FANCL: variants seen among roughly 807,000 people sequenced by gnomAD.
FANCL encodes the protein E3 ubiquitin-protein ligase FANCL.
FANCL carries 69 observed loss-of-function variants against 59.4 expected under a neutral mutation model. The observed-to-expected ratio is 1.16, with a 90% CI of 0.96 to 1.42. The LOEUF is 1.42. FANCL is among the 40% of genes most tolerant of loss of function. The pLI, the probability that FANCL is intolerant of heterozygous loss-of-function variation, is 0.00. For missense variants in FANCL, 519 were observed against 447.2 expected (o/e 1.16, Z -1.45); for synonymous variants, 180 against 147.1 (o/e 1.22, Z -1.62).
At chr2:58,180,742 C>G (rs1451059161) in intron 7 of FANCL, among the ~76,000 whole-genome samples, 1 of 151,650 alleles carries the variant, frequency 6.6e-6, no homozygotes, top group Admixed American at 6.6e-5. Context: ...AAATAGCCAC[C>G]TTCTCATTTT....
At chr2:58,188,705 G>A (rs1688641055) in intron 7 of FANCL, among the ~76,000 whole-genome samples, 1 of 150,936 alleles carries the variant, frequency 6.6e-6, no homozygotes, top group Non-Finnish European at 1.5e-5. Context: ...CTCCTGAAGT[G>A]TTGGGATTAC....
chr2:58,171,774 C>T (rs1458003222), intron 7 of FANCL, among the ~76,000 whole-genome samples: 1 of 152,218 alleles, frequency 6.6e-6, no homozygotes, highest in Non-Finnish European at 1.5e-5. Context: ...GGGTGCAGTG[C>T]ACCATGCGCG....
At chr2:58,160,271 T>G in intron 12 of FANCL, 92 bp from the exon 13 acceptor site, 1 of 1,311,266 alleles carries the variant, frequency 7.6e-7, no homozygotes, top group South Asian at 1.2e-5. Flanking sequence ...AAGTGCATTA[T>G]GTTTTTATTC....
chr2:58,222,175 C>G, intron 4 of FANCL, 133 bp from the exon 5 acceptor site: 1 of 641,874 alleles, frequency 1.6e-6, no homozygotes, highest in Non-Finnish European at 2.8e-6. Context: ...GGAAATCTGG[C>G]TGACTCATTC....
rs956485572 is a variant in FANCL, at chr2:58,178,006, C to T, written c.541-12132G>A. On this transcript the variant is annotated intron_variant, in intron 7 of 13. Transcript: ENST00000233741. ...AAAATCTAGAAGAAGTGGATAAATTCCTGGACACATACACCCTCCCAAGAC... is the reference window on the plus strand; with the variant it reads ...AAAATCTAGAAGAAGTGGATAAATTTCTGGACACATACACCCTCCCAAGAC... Among the ~76,000 whole-genome samples, 4 of 152,006 alleles carry T rather than the reference C, an allele frequency of 2.6e-5. No individual in the cohort carries two copies. In the East Asian group the frequency reaches 7.7e-4, roughly 29 times the overall value.
Position 58,175,484 on chromosome 2 carries a change from G to A in FANCL, c.541-9610C>T, listed in dbSNP as rs531456576. Among the ~76,000 whole-genome samples the A allele has an allele frequency of 2.4e-3, 364 of 151,862 alleles. 3 individuals carry two copies. The highest frequency in any genetic ancestry group is 7.4e-3 in the African/African-American group (303 of 41,196). On this transcript the variant is annotated intron_variant, in intron 7 of 13. Transcript: ENST00000233741. ...GGGATGCAAGGCTGGTTCAATATAC[G>A]CAAATCAATAAATGTAATCCAGCAC...
At chr2:58,207,098 T>G (rs1573711508) in intron 5 of FANCL, among the ~76,000 whole-genome samples, 1 of 152,240 alleles carries the variant, frequency 6.6e-6, no homozygotes. Flanking sequence ...TATAACTACA[T>G]TTTGGCCAGT....
intron 4 of FANCL, among the ~76,000 whole-genome samples, chr2:58,224,708 G>A (rs907910430): frequency 6.6e-6 from 1 of 151,604 alleles, no homozygotes; most frequent in Non-Finnish European, 1.5e-5. Context: ...ACAACACATA[G>A]ACAGGAAAAG....
chr2:58,162,709 C>T (rs1471802984), intron 11 of FANCL, among the ~76,000 whole-genome samples, 157 bp downstream of exon 11: 2 of 151,770 alleles, frequency 1.3e-5, no homozygotes, highest in Non-Finnish European at 3.0e-5. Flanking sequence ...ACTTAACAAC[C>T]AATCAAAGGT....
At chr2:58,203,196 G>C (rs748851619) in intron 6 of FANCL, among the ~76,000 whole-genome samples, 48 of 151,564 alleles carry the variant, frequency 3.2e-4, no homozygotes, top group South Asian at 4.1e-4. Flanking sequence ...CATATTCTGT[G>C]TGTGAGAGAA....
intron 1 of FANCL, among the ~76,000 whole-genome samples, chr2:58,240,299 T>G (rs893544400): frequency 6.6e-6 from 1 of 152,224 alleles, no homozygotes; most frequent in African/African-American, 2.4e-5. Flanking sequence ...CATATGGTAA[T>G]TCCACATATA....
intron 5 of FANCL, among the ~76,000 whole-genome samples, chr2:58,207,044 A>G (rs998687019): frequency 6.6e-6 from 1 of 152,182 alleles, no homozygotes; most frequent in African/African-American, 2.4e-5. Context: ...CACTTCACCC[A>G]GCTAGTGACT....
At chr2:58,211,491 T>C (rs1298352848) in intron 5 of FANCL, among the ~76,000 whole-genome samples, 1 of 152,230 alleles carries the variant, frequency 6.6e-6, no homozygotes, top group Non-Finnish European at 1.5e-5. Context: ...TTCCCCATTA[T>C]CTTGGGGACT....
chr2:58,167,256 G>A (rs34683258), intron 7 of FANCL, among the ~76,000 whole-genome samples: 4,064 of 152,196 alleles, frequency 0.027, 175 homozygotes, highest in African/African-American at 0.093. Flanking sequence ...CCTAATACCC[G>A]AAAAATAACC....
intron 7 of FANCL, among the ~76,000 whole-genome samples, chr2:58,189,668 A>AT (rs578173683): frequency 6.6e-6 from 1 of 152,114 alleles, no homozygotes; most frequent in Non-Finnish European, 1.5e-5. Flanking sequence ...CTTTAAAAGC[A>AT]TTTTGTTACT....
chr2:58,164,445 A>G lies in FANCL; in HGVS notation c.692-928T>C, dbSNP rs564606654. Among the ~76,000 whole-genome samples, 52 of 152,140 alleles carry G rather than the reference A, an allele frequency of 3.4e-4. No individual in the cohort carries two copies. The Middle Eastern group carries it at 0.01, about 30-fold the overall frequency. The stretch of plus-strand genomic sequence containing the variant: ...CTCATTTGGTAACACATTATTTACT[A>G]TGAACAGAAATTTCTTATTAGCCCT... On this transcript the variant is annotated intron_variant, in intron 8 of 13. Coordinates refer to ENST00000233741, the MANE Select transcript of FANCL (RefSeq NM_018062.4).
At chr2:58,162,362 G>C (rs1452165149) in intron 11 of FANCL, among the ~76,000 whole-genome samples, 1 of 151,936 alleles carries the variant, frequency 6.6e-6, no homozygotes, top group Non-Finnish European at 1.5e-5. Flanking sequence ...CATCTCATTA[G>C]CTACTTTGGA....
chr2:58,232,911 G>C (rs981270514), intron 1 of FANCL, among the ~76,000 whole-genome samples: 2 of 151,914 alleles, frequency 1.3e-5, no homozygotes, highest in Non-Finnish European at 2.9e-5. Flanking sequence ...AAATGAAAAA[G>C]TAATAAAATT....
intron 7 of FANCL, among the ~76,000 whole-genome samples, 187 bp downstream of exon 7, chr2:58,198,407 A>G: frequency 6.6e-6 from 1 of 152,038 alleles, no homozygotes; most frequent in East Asian, 1.9e-4. Context: ...TCTAGAGATA[A>G]CTTAAAGTAT....
Sources: gnomAD v4.1 joint callset for allele counts (sites outside exome capture counted in the v4.1 genomes callset) on GRCh38, gnomAD v4.1.1 for gene constraint, MANE v1.5 for transcripts, NCBI Gene and HGNC (gene_info 2026-07-23, HGNC 2026-07-21) for gene names.